Variants in WWOX observed in about 807,000 individuals in gnomAD.
WWOX encodes WW domain containing oxidoreductase.
In WWOX, 69 loss-of-function variants were observed where a neutral mutation model predicts 46.2. The ratio of observed to expected loss-of-function variants is 1.49; its 90% CI spans 1.23 to 1.82. The LOEUF is 1.82. WWOX is among the 40% of genes most tolerant of loss of function. The pLI is 0.00. For missense variants in WWOX, 919 were observed against 542.6 expected (o/e 1.69, Z -6.89); for synonymous variants, 359 against 202.6 (o/e 1.77, Z -6.56).
At chr16:79,038,693 G>C (rs1444608605) in intron 8 of WWOX, among the ~76,000 whole-genome samples, 1 of 151,978 alleles carries the variant, frequency 6.6e-6, no homozygotes, top group Non-Finnish European at 1.5e-5. Flanking sequence ...GGGATTACAG[G>C]CACCCACCAC....
At chr16:78,880,246 C>T (rs1034330649) in intron 8 of WWOX, among the ~76,000 whole-genome samples, 7 of 152,184 alleles carry the variant, frequency 4.6e-5, no homozygotes, top group African/African-American at 1.2e-4. Context: ...CATGAAAACA[C>T]CTTACATAGA....
chr16:78,318,176 ATCTTTACTTCCC>A (rs2080392679), intron 5 of WWOX, among the ~76,000 whole-genome samples: 1 of 151,676 alleles, frequency 6.6e-6, no homozygotes, highest in Non-Finnish European at 1.5e-5. Flanking sequence ...CATGTAGTTG[ATCTTTACTTCCC>A]GGGGGCAGAG....
intron 8 of WWOX, among the ~76,000 whole-genome samples, chr16:78,572,303 C>T (rs1022538231): frequency 6.6e-6 from 1 of 152,154 alleles, no homozygotes; most frequent in Non-Finnish European, 1.5e-5. Flanking sequence ...AGGATTAAAA[C>T]AGCGTTTACA....
chr16:78,448,590 C>T (rs2083614557), intron 8 of WWOX, among the ~76,000 whole-genome samples: 1 of 152,130 alleles, frequency 6.6e-6, no homozygotes, highest in African/African-American at 2.4e-5. Context: ...AGGCTTTATT[C>T]AATGGCCATG....
At chr16:78,294,482 G>T (rs1000430974) in intron 5 of WWOX, among the ~76,000 whole-genome samples, 1 of 152,026 alleles carries the variant, frequency 6.6e-6, no homozygotes, top group African/African-American at 2.4e-5. Context: ...TATTGTGTGT[G>T]AGTCCCTCTC....
At chr16:78,398,937 G>C (rs1223829763) in intron 6 of WWOX, among the ~76,000 whole-genome samples, 2 of 152,200 alleles carry the variant, frequency 1.3e-5, no homozygotes, top group Non-Finnish European at 2.9e-5. Flanking sequence ...TCTAGTACAA[G>C]GAAGGGGATG....
At chr16:79,183,507 CTG>C (rs2050953250) in intron 8 of WWOX, among the ~76,000 whole-genome samples, 1 of 152,106 alleles carries the variant, frequency 6.6e-6, no homozygotes, top group South Asian at 2.1e-4. Flanking sequence ...TTATTTTTTT[CTG>C]TGTCTCTGAA....
chr16:78,779,057 G>T (rs1463213967), intron 8 of WWOX, among the ~76,000 whole-genome samples: 3 of 152,058 alleles, frequency 2.0e-5, no homozygotes, highest in African/African-American at 7.2e-5. Context: ...TGTTATAGCC[G>T]GAAGGGATTC....
intron 8 of WWOX, among the ~76,000 whole-genome samples, chr16:78,530,256 G>C (rs953507492): frequency 6.6e-6 from 1 of 152,202 alleles, no homozygotes; most frequent in Non-Finnish European, 1.5e-5. Context: ...CGGCTTAAGT[G>C]TTAACAGTTC....
chr16:78,881,460 A>C (rs1039555409), intron 8 of WWOX, among the ~76,000 whole-genome samples: 1 of 152,238 alleles, frequency 6.6e-6, no homozygotes, highest in Admixed American at 6.5e-5. Context: ...AGAGAATAAA[A>C]GTTTCCAATG....
intron 8 of WWOX, among the ~76,000 whole-genome samples, chr16:78,450,901 A>G (rs2083675690): frequency 6.6e-6 from 1 of 152,204 alleles, no homozygotes; most frequent in Admixed American, 6.5e-5. Flanking sequence ...CCAATAATGA[A>G]AACAATACAA....
At chr16:78,403,763 ATG>A (rs2082466137) in intron 6 of WWOX, among the ~76,000 whole-genome samples, 1 of 152,230 alleles carries the variant, frequency 6.6e-6, no homozygotes, top group Non-Finnish European at 1.5e-5. Context: ...GTAAGAGTAA[ATG>A]TGTTCTGCCT....
chr16:78,553,479 A>G (rs935118224), intron 8 of WWOX, among the ~76,000 whole-genome samples: 1 of 151,982 alleles, frequency 6.6e-6, no homozygotes, highest in Non-Finnish European at 1.5e-5. Flanking sequence ...CAATAAAGCC[A>G]GTGGTGAGGG....
Position 78,739,037 on chromosome 16 carries a change from A to G in WWOX, c.1056+306285A>G, listed in dbSNP as rs142747877. ...CTAGAAGCCATGGTTTCCTGGTTGG[A>G]TAGACTTCCTCTGCCACCAGAATAA... On this transcript the variant is annotated intron_variant, in intron 8 of 8. Coordinates refer to ENST00000566780, the MANE Select transcript of WWOX (RefSeq NM_016373.4). Among the ~76,000 whole-genome samples the G allele has an allele frequency of 3.3e-3, 504 of 152,262 alleles. 6 individuals are homozygous for G. The highest frequency in any genetic ancestry group is 0.012 in the African/African-American group (479 of 41,546).
At chr16:78,765,583 G>A (rs1251480515) in intron 8 of WWOX, among the ~76,000 whole-genome samples, 1 of 152,124 alleles carries the variant, frequency 6.6e-6, no homozygotes, top group African/African-American at 2.4e-5. Flanking sequence ...GGAGGCTGAG[G>A]TGGGAGAATT....
At chr16:78,923,260 C>T (rs1165128806) in intron 8 of WWOX, among the ~76,000 whole-genome samples, 1 of 152,166 alleles carries the variant, frequency 6.6e-6, no homozygotes, top group African/African-American at 2.4e-5. Context: ...GGATTACAGG[C>T]TTGAGCCACT....
At chr16:79,177,227 A>G (rs2050817690) in intron 8 of WWOX, among the ~76,000 whole-genome samples, 1 of 152,200 alleles carries the variant, frequency 6.6e-6, no homozygotes, top group African/African-American at 2.4e-5. Context: ...GCTGGATCTT[A>G]TCAGCCGCGA....
intron 5 of WWOX, among the ~76,000 whole-genome samples, chr16:78,255,777 G>A (rs2038113204): frequency 6.6e-6 from 1 of 152,020 alleles, no homozygotes. Context: ...ATAAATCCAT[G>A]TACTCCTCCC....
intron 8 of WWOX, among the ~76,000 whole-genome samples, chr16:78,961,730 T>C (rs533090042): frequency 6.6e-6 from 1 of 152,300 alleles, no homozygotes; most frequent in South Asian, 2.1e-4. Flanking sequence ...ATTTTCTGGT[T>C]CAGTAAGTCT....
Sources: gnomAD v4.1 joint callset for allele counts (sites outside exome capture counted in the v4.1 genomes callset) on GRCh38, gnomAD v4.1.1 for gene constraint, MANE v1.5 for transcripts, NCBI Gene and HGNC (gene_info 2026-07-23, HGNC 2026-07-21) for gene names.